ME1: variants seen among roughly 807,000 people sequenced by gnomAD.
ME1 encodes the protein malic enzyme 1.
Under a neutral mutation model 66.4 loss-of-function variants are expected in ME1, and 74 were observed. The ratio of observed to expected loss-of-function variants is 1.11; its 90% CI spans 0.92 to 1.35. The LOEUF is 1.35. ME1 is among the 40% of genes most tolerant of loss of function. The pLI is 0.00. For synonymous variants in ME1, 251 were observed against 235.6 expected, an observed-to-expected ratio of 1.07 and a Z score of -0.60; for missense variants, 750 against 694.1, an observed-to-expected ratio of 1.08 and a Z score of -0.90.
chr6:83,256,633 C>T (rs754702637), intron 6 of ME1, among the ~76,000 whole-genome samples: 6 of 152,058 alleles, frequency 3.9e-5, no homozygotes, highest in African/African-American at 7.3e-5. Flanking sequence ...AACAGTGTGA[C>T]GGTTCCTCAA....
chr6:83,237,936 T>A, intron 8 of ME1, 106 bp from the exon 9 acceptor site: 1 of 561,924 alleles, frequency 1.8e-6, no homozygotes, highest in Non-Finnish European at 3.1e-6. Context: ...AATATTTTTG[T>A]CACATTTAGG....
intron 3 of ME1, among the ~76,000 whole-genome samples, chr6:83,357,334 T>C (rs187308866): frequency 6.6e-6 from 1 of 152,350 alleles, no homozygotes; most frequent in East Asian, 1.9e-4. Flanking sequence ...CAAAACTCTG[T>C]AAGTATACTG....
chr6:83,302,554 G>C (rs1767747282), intron 6 of ME1, among the ~76,000 whole-genome samples: 1 of 152,158 alleles, frequency 6.6e-6, no homozygotes, highest in African/African-American at 2.4e-5. Flanking sequence ...ATGACTTAAT[G>C]CTAAGTCAAA....
intron 9 of ME1, among the ~76,000 whole-genome samples, chr6:83,230,728 G>A (rs1013725337): frequency 6.6e-6 from 1 of 152,042 alleles, no homozygotes; most frequent in South Asian, 2.1e-4. Context: ...TCAGGAGATC[G>A]AGACCATCCT....
intron 6 of ME1, among the ~76,000 whole-genome samples, chr6:83,256,090 T>A (rs1373936275): frequency 6.6e-6 from 1 of 152,138 alleles, no homozygotes; most frequent in Non-Finnish European, 1.5e-5. Flanking sequence ...GGCTCTGGAG[T>A]CAGAGCTCCT....
At chr6:83,229,360 A>G (rs1250886891) in intron 9 of ME1, among the ~76,000 whole-genome samples, 1 of 152,188 alleles carries the variant, frequency 6.6e-6, no homozygotes, top group African/African-American at 2.4e-5. Context: ...AAGAATTTGA[A>G]GTCATATTTA....
Position 83,346,335 on chromosome 6 carries a change from C to T in ME1, c.439-1G>A, listed in dbSNP as rs1052295343. On this transcript the variant is annotated splice_acceptor_variant, in intron 4 of 13. Transcript: ENST00000369705. LOFTEE classifies it high-confidence loss of function. ...GCTCTCCATCAGTCACCACAATGGCCTGGAAGAAAAAGAAAAATTACCTAT... is the reference window on the plus strand; with the variant it reads ...GCTCTCCATCAGTCACCACAATGGCTTGGAAGAAAAAGAAAAATTACCTAT... 1 of 1,565,548 alleles carries T rather than the reference C, an allele frequency of 6.4e-7. No individual in the cohort carries two copies. Among genetic ancestry groups the T allele is most frequent in the Non-Finnish European group, 8.6e-7 (1 of 1,156,892 alleles).
chr6:83,245,238 G>T (rs1218976145), intron 7 of ME1, among the ~76,000 whole-genome samples: 2 of 152,080 alleles, frequency 1.3e-5, no homozygotes, highest in Non-Finnish European at 2.9e-5. Flanking sequence ...GAAGAAAATA[G>T]AATGGAGGCA....
intron 7 of ME1, among the ~76,000 whole-genome samples, chr6:83,250,513 A>G (rs114463086): frequency 0.013 from 1,996 of 152,316 alleles, 51 homozygotes; most frequent in African/African-American, 0.046. Flanking sequence ...CACTTTATCC[A>G]TCTCAGTTAC....
Position 83,392,996 on chromosome 6 carries a change from C to T in ME1, c.362+5371G>A, listed in dbSNP as rs191342469. 163 of 953,374 alleles carry T rather than the reference C, an allele frequency of 1.7e-4. 1 individual carries two copies. The East Asian group carries it at 2.5e-3, about 14-fold the overall frequency. 59.1% of individuals were successfully genotyped at this position (953,374 alleles called of 1,614,324 possible). On this transcript the variant is annotated intron_variant, in intron 3 of 13. Coordinates refer to ENST00000369705, the MANE Select transcript of ME1 (RefSeq NM_002395.6). The stretch of plus-strand genomic sequence containing the variant: ...GCTCCTATGGGAAACTGTGGGGTGA[C>T]GGCCATGGGGCTCTCCAGAACATCC...
intron 3 of ME1, among the ~76,000 whole-genome samples, chr6:83,360,609 T>C (rs375847677): frequency 6.8e-4 from 103 of 152,258 alleles, no homozygotes; most frequent in African/African-American, 2.4e-3. Context: ...ATGGAAACCA[T>C]TAGAGCTGCC....
At chr6:83,240,758 T>C (rs1439113552) in intron 7 of ME1, among the ~76,000 whole-genome samples, 1 of 152,182 alleles carries the variant, frequency 6.6e-6, no homozygotes, top group Non-Finnish European at 1.5e-5. Context: ...GCGTTATGTA[T>C]GTCAAGTATC....
In ME1 at chr6:83,239,574, A is replaced by T. The variant is rs771564214; in HGVS notation, c.877T>A (p.Ser293Thr). 6.2e-7 allele frequency: 1 copy of T among 1,613,428 alleles called. No individual in the cohort carries two copies. Among genetic ancestry groups the T allele is most frequent in the Non-Finnish European group, 8.5e-7 (1 of 1,179,488 alleles). ...CCTTGGAATAGTATTGTTTGATCAGACAGTTTGTTCTTGGTTATTCGAAGA... is the reference window on the plus strand; with the variant it reads ...CCTTGGAATAGTATTGTTTGATCAGTCAGTTTGTTCTTGGTTATTCGAAGA... ...AALRITKNKL[S>T]DQTILFQGAG... Residue 293 changes from serine (S) to threonine (T), a missense_variant, in exon 8 of 14, where the codon TCT becomes ACT. Ser to Thr is a moderately conservative substitution (Grantham distance 58). Coordinates refer to ENST00000369705, the MANE Select transcript of ME1 (RefSeq NM_002395.6).
At chr6:83,340,585 T>G (rs1268174834) in intron 5 of ME1, among the ~76,000 whole-genome samples, 3 of 152,080 alleles carry the variant, frequency 2.0e-5, no homozygotes, top group Non-Finnish European at 4.4e-5. Flanking sequence ...TAAGTACTCA[T>G]TTTACATGAG....
intron 1 of ME1, among the ~76,000 whole-genome samples, chr6:83,424,290 G>A (rs1770327199): frequency 1.3e-5 from 2 of 152,050 alleles, no homozygotes; most frequent in Non-Finnish European, 2.9e-5. Context: ...TAAGTTGACT[G>A]TGAAAAGTTC....
At chr6:83,277,348 G>A (rs1767201753) in intron 6 of ME1, among the ~76,000 whole-genome samples, 1 of 152,092 alleles carries the variant, frequency 6.6e-6, no homozygotes, top group Non-Finnish European at 1.5e-5. Context: ...TTCCTCAGCA[G>A]GCCTAGCCTC....
chr6:83,242,667 A>G (rs1790531129), intron 7 of ME1, among the ~76,000 whole-genome samples: 1 of 152,134 alleles, frequency 6.6e-6, no homozygotes, highest in South Asian at 2.1e-4. Flanking sequence ...CCTTTCCCCA[A>G]CAAACTCTAC....
chr6:83,398,847 T>C (rs1769791388), intron 2 of ME1, among the ~76,000 whole-genome samples: 1 of 151,796 alleles, frequency 6.6e-6, no homozygotes, highest in Admixed American at 6.6e-5. Flanking sequence ...CTCACGCCTG[T>C]AATCCCAGCA....
At chr6:83,344,727 C>CA (rs955566060) in intron 5 of ME1, among the ~76,000 whole-genome samples, 1 of 151,790 alleles carries the variant, frequency 6.6e-6, no homozygotes, top group African/African-American at 2.4e-5. Flanking sequence ...ACTAAAAATA[C>CA]AAAAAATTCA....
Sources: allele counts gnomAD v4.1 joint callset (sites outside exome capture counted in the v4.1 genomes callset), GRCh38; gene constraint gnomAD v4.1.1; transcripts MANE v1.5; gene names NCBI Gene and HGNC (gene_info 2026-07-23, HGNC 2026-07-21).